Variants in RBFOX1 observed in about 807,000 individuals in gnomAD.
RBFOX1 encodes RNA binding protein fox-1 homolog 1.
Under a neutral mutation model 57.7 loss-of-function variants are expected in RBFOX1, and 8 were observed. The ratio of observed to expected loss-of-function variants is 0.14; its 90% CI spans 0.08 to 0.25. The LOEUF (loss-of-function observed/expected upper bound fraction) is 0.25. Ranked by LOEUF, RBFOX1 falls within the 10% of genes least tolerant of loss-of-function variation. The probability of loss-of-function intolerance (pLI) is 1.00; values close to 1 mark genes in which losing one functional copy is unlikely to be tolerated. For missense variants in RBFOX1, 611 were observed against 548.5 expected, an observed-to-expected ratio of 1.11 and a Z score of -1.14; for synonymous variants, 326 against 222.4, an observed-to-expected ratio of 1.47 and a Z score of -4.15.
At chr16:7,017,389 C>G (rs540231339) in intron 3 of RBFOX1, among the ~76,000 whole-genome samples, 1 of 152,234 alleles carries the variant, frequency 6.6e-6, no homozygotes, top group African/African-American at 2.4e-5. Context: ...TTATGGCTCT[C>G]TAATAACGAT....
intron 3 of RBFOX1, among the ~76,000 whole-genome samples, chr16:6,872,481 T>C (rs924710881): frequency 2.7e-4 from 41 of 152,226 alleles, no homozygotes; most frequent in Admixed American, 7.2e-4. Flanking sequence ...AGCCCCTTGC[T>C]TTAGGTTTCA....
At chr16:6,401,701 C>T (rs2093074966) in intron 2 of RBFOX1, among the ~76,000 whole-genome samples, 1 of 152,066 alleles carries the variant, frequency 6.6e-6, no homozygotes, top group Admixed American at 6.5e-5. Context: ...CTCCATTGTT[C>T]TTAGACGCAG....
chr16:5,589,507 A>G (rs1423538339), intron 2 of RBFOX1, among the ~76,000 whole-genome samples: 1 of 152,186 alleles, frequency 6.6e-6, no homozygotes, highest in Non-Finnish European at 1.5e-5. Context: ...GAAGGTAAGT[A>G]TCTTGTCCAA....
chr16:7,224,515 C>G (rs916313989), intron 4 of RBFOX1, among the ~76,000 whole-genome samples: 1 of 151,960 alleles, frequency 6.6e-6, no homozygotes, highest in Non-Finnish European at 1.5e-5. Context: ...GGACCTGCCC[C>G]TCAGTGCCTC....
chr16:5,566,998 C>A lies in RBFOX1; in HGVS notation c.259-31904C>A, dbSNP rs532470720. On this transcript the variant is annotated intron_variant, in intron 2 of 2. Coordinates refer to the RBFOX1 transcript ENST00000585867. ...GGCTGGGAGTCCAAATACCCTAACA[C>A]ATTTCTGTTCTCACTTTAACCAGAA... is the stretch of plus-strand genomic sequence containing the variant. Among the ~76,000 whole-genome samples the A allele has an allele frequency of 2.5e-3, 385 of 152,286 alleles. 1 individual carries two copies. The highest frequency in any genetic ancestry group is 8.4e-3 in the African/African-American group (349 of 41,564).
intron 2 of RBFOX1, among the ~76,000 whole-genome samples, chr16:5,502,119 G>A (rs1166152640): frequency 6.6e-6 from 1 of 152,114 alleles, no homozygotes; most frequent in Non-Finnish European, 1.5e-5. Flanking sequence ...GCCGGCAGAA[G>A]GTGGTTGTAG....
chr16:5,424,927 CT>C (rs1567490051), intron 1 of RBFOX1, among the ~76,000 whole-genome samples: 1 of 75,582 alleles, frequency 1.3e-5, no homozygotes, highest in Admixed American at 1.5e-4. Flanking sequence ...TTCTTTCTTT[CT>C]TTCTTTCTCT....
intron 4 of RBFOX1, among the ~76,000 whole-genome samples, chr16:7,493,441 T>G (rs2067582651): frequency 6.6e-6 from 1 of 152,130 alleles, no homozygotes; most frequent in African/African-American, 2.4e-5. Context: ...AGTGTTACTG[T>G]ATATGGAAAA....
At chr16:5,618,993 G>A (rs546322105) in intron 3 of RBFOX1, among the ~76,000 whole-genome samples, 14 of 152,302 alleles carry the variant, frequency 9.2e-5, no homozygotes, top group African/African-American at 3.1e-4. Context: ...TGCTCCGGTG[G>A]TTCCAGGGAG....
At chr16:7,300,932 G>A (rs879338471) in intron 4 of RBFOX1, among the ~76,000 whole-genome samples, 2 of 152,162 alleles carry the variant, frequency 1.3e-5, no homozygotes, top group Non-Finnish European at 2.9e-5. Context: ...GCCCTTGAAT[G>A]CATATGAACC....
chr16:6,835,648 A>G (rs1458224451), intron 3 of RBFOX1, among the ~76,000 whole-genome samples: 1 of 146,984 alleles, frequency 6.8e-6, no homozygotes, highest in African/African-American at 2.5e-5. Context: ...AGCTACTGGG[A>G]GAGGCTGAGG....
intron 3 of RBFOX1, among the ~76,000 whole-genome samples, chr16:7,049,495 T>G (rs1277690718): frequency 6.6e-6 from 1 of 152,162 alleles, no homozygotes; most frequent in Non-Finnish European, 1.5e-5. Context: ...GGATTTTCCC[T>G]ATTCTCTTAG....
chr16:7,374,441 C>G (rs2097646365), intron 4 of RBFOX1, among the ~76,000 whole-genome samples: 1 of 152,106 alleles, frequency 6.6e-6, no homozygotes, highest in African/African-American at 2.4e-5. Context: ...TTGAATAATT[C>G]ATTAGGGCTT....
chr16:6,618,327 C>T lies in RBFOX1; in HGVS notation c.-63-36276C>T, dbSNP rs561853188. On this transcript the variant is annotated intron_variant, in intron 2 of 15. Transcript: ENST00000550418. ...ACATTGACTGAACACTTACTTAAAA[C>T]GCAGTTTCAAGCCCTTAGCATATAT... 5.3e-5 allele frequency among the ~76,000 whole-genome samples: 8 copies of T among 152,272 alleles called. No homozygotes were observed. In the South Asian group the frequency reaches 6.2e-4, roughly 12 times the overall value.
chr16:6,439,607 C>G (rs1007395180), intron 2 of RBFOX1, among the ~76,000 whole-genome samples: 6 of 152,156 alleles, frequency 3.9e-5, no homozygotes, highest in Non-Finnish European at 8.8e-5. Flanking sequence ...TTCCTGATTT[C>G]TTGACAAATT....
intron 4 of RBFOX1, among the ~76,000 whole-genome samples, chr16:7,059,535 G>A (rs1248788726): frequency 6.6e-6 from 1 of 152,088 alleles, no homozygotes; most frequent in Admixed American, 6.6e-5. Flanking sequence ...AATAATCATT[G>A]ACAACCATTG....
At chr16:6,775,473 A>G (rs1476242340) in intron 3 of RBFOX1, among the ~76,000 whole-genome samples, 1 of 152,012 alleles carries the variant, frequency 6.6e-6, no homozygotes, top group Non-Finnish European at 1.5e-5. Context: ...AGAAAAAAAA[A>G]TAGGTGATAA....
chr16:7,634,172 C>T (rs1340439932), intron 11 of RBFOX1, among the ~76,000 whole-genome samples: 3 of 152,190 alleles, frequency 2.0e-5, no homozygotes, highest in African/African-American at 4.8e-5. Context: ...CCATACTTTT[C>T]AGCAATTGTG....
At chr16:6,476,119 A>C (rs1286921447) in intron 2 of RBFOX1, among the ~76,000 whole-genome samples, 1 of 152,192 alleles carries the variant, frequency 6.6e-6, no homozygotes, top group South Asian at 2.1e-4. Context: ...CGACACTCAC[A>C]TGGCCAGGGA....
Sources: allele counts gnomAD v4.1 joint callset (sites outside exome capture counted in the v4.1 genomes callset), GRCh38; gene constraint gnomAD v4.1.1; transcripts MANE v1.5; gene names NCBI Gene and HGNC (gene_info 2026-07-23, HGNC 2026-07-21).